SUGCT: variants seen among roughly 807,000 people sequenced by gnomAD.
SUGCT encodes succinyl-CoA:glutarate-CoA transferase, also known as succinyl-CoA:glutarate CoA-transferase.
In SUGCT, 41 loss-of-function variants were observed where a neutral mutation model predicts 55.0. That is an observed-to-expected ratio of 0.74 (90% CI 0.58 to 0.97). The LOEUF (loss-of-function observed/expected upper bound fraction) is 0.97, where lower values mean the gene tolerates loss of function less well. Ranked by LOEUF, SUGCT falls within the 50% of genes least tolerant of loss-of-function variation. The pLI is 0.00. For missense variants in SUGCT, 568 were observed against 547.8 expected (o/e 1.04, Z -0.37); for synonymous variants, 187 against 200.4 (o/e 0.93, Z 0.56).
intron 13 of SUGCT, among the ~76,000 whole-genome samples, chr7:40,859,153 T>G (rs1281648958): frequency 2.0e-5 from 3 of 152,222 alleles, no homozygotes; most frequent in Non-Finnish European, 4.4e-5. Flanking sequence ...TTTGTTCTCC[T>G]GAAGCCTAAT....
chr7:40,419,137 A>T lies in SUGCT; in HGVS notation c.817-30150A>T, dbSNP rs181864925. 8.7e-4 allele frequency among the ~76,000 whole-genome samples: 133 copies of T among 152,334 alleles called. 1 individual carries two copies. The highest frequency in any genetic ancestry group is 3.4e-3 in the Middle Eastern group (1 of 294). On this transcript the variant is annotated intron_variant, in intron 9 of 13. Coordinates refer to ENST00000335693, the MANE Select transcript of SUGCT (RefSeq NM_001193313.2). ...ATATGTGCTCATTTATGGGGCGGTG[A>T]ATTCCTGTTGCATGGAACAAAAGGC...
intron 8 of SUGCT, among the ~76,000 whole-genome samples, chr7:40,290,193 G>A (rs1227316183): frequency 4.6e-5 from 7 of 152,026 alleles, no homozygotes; most frequent in Non-Finnish European, 7.4e-5. Context: ...AGCCCGCATC[G>A]CCAAGTCAAT....
At chr7:40,492,308 A>G (rs1562814862) in intron 11 of SUGCT, among the ~76,000 whole-genome samples, 1 of 152,076 alleles carries the variant, frequency 6.6e-6, no homozygotes, top group Non-Finnish European at 1.5e-5. Context: ...TGTTTTTGTT[A>G]TTGATAATAA....
intron 13 of SUGCT, among the ~76,000 whole-genome samples, chr7:40,834,310 A>G (rs1436585351): frequency 6.6e-6 from 1 of 152,176 alleles, no homozygotes; most frequent in Non-Finnish European, 1.5e-5. Flanking sequence ...GGACCCCATT[A>G]TTAACACTTT....
intron 12 of SUGCT, among the ~76,000 whole-genome samples, chr7:40,615,681 G>A (rs68082095): frequency 0.14 from 20,745 of 152,238 alleles, 1,551 homozygotes; most frequent in Middle Eastern, 0.2. Flanking sequence ...TGTGGGATCC[G>A]TGGTATATTG....
chr7:40,794,057 G>A lies in SUGCT; in HGVS notation c.1153+44560G>A, dbSNP rs961561176. 4.0e-5 allele frequency among the ~76,000 whole-genome samples: 6 copies of A among 151,782 alleles called. No homozygotes were observed. In the South Asian group the frequency reaches 6.2e-4, roughly 16 times the overall value. On this transcript the variant is annotated intron_variant, in intron 13 of 13. Transcript: ENST00000335693. Reference sequence around the variant, plus strand: ...AACTTTGATTCTTCCTTTTTAAAACGTTTATATGTTGGATTTGATAATCTA... The same window carrying A: ...AACTTTGATTCTTCCTTTTTAAAACATTTATATGTTGGATTTGATAATCTA...
intron 12 of SUGCT, among the ~76,000 whole-genome samples, chr7:40,547,365 C>T (rs562010094): frequency 1.3e-5 from 2 of 152,304 alleles, no homozygotes; most frequent in South Asian, 2.1e-4. Flanking sequence ...TGTCTGGGCA[C>T]CCTGTGGCCC....
intron 6 of SUGCT, among the ~76,000 whole-genome samples, chr7:40,235,432 A>T (rs1788958986): frequency 6.6e-6 from 1 of 152,066 alleles, no homozygotes; most frequent in Non-Finnish European, 1.5e-5. Flanking sequence ...GGTTCAAGCG[A>T]TTCTCCTGTC....
chr7:40,903,991 A>T, the SUGCT span, among the ~76,000 whole-genome samples: 1 of 152,176 alleles, frequency 6.6e-6, no homozygotes, highest in African/African-American at 2.4e-5. Context: ...GCCGCTGCCC[A>T]AGCTTGGCGC....
intron 13 of SUGCT, among the ~76,000 whole-genome samples, chr7:40,854,419 C>CCTTTCCTTT (rs1794037316): frequency 1.1e-5 from 1 of 88,804 alleles, no homozygotes; most frequent in Non-Finnish European, 2.2e-5. Context: ...TTCTTTCTTT[C>CCTTTCCTTT]CTTTCTTTCT....
chr7:40,943,290 A>T, the SUGCT span, among the ~76,000 whole-genome samples: 4 of 149,614 alleles, frequency 2.7e-5, no homozygotes, highest in African/African-American at 9.8e-5. Context: ...ATTATTATTT[A>T]TTATTATACT....
intron 12 of SUGCT, among the ~76,000 whole-genome samples, chr7:40,629,936 C>G (rs1019425086): frequency 6.6e-6 from 1 of 152,134 alleles, no homozygotes; most frequent in East Asian, 1.9e-4. Context: ...AGGAGACATT[C>G]TAAATTTTTG....
chr7:40,164,983 G>T (rs1333381524), intron 1 of SUGCT, among the ~76,000 whole-genome samples: 1 of 152,084 alleles, frequency 6.6e-6, no homozygotes, highest in Non-Finnish European at 1.5e-5. Context: ...TATCAAACTA[G>T]GTTGTTAGGA....
At chr7:40,596,417 G>A (rs1443814847) in intron 12 of SUGCT, among the ~76,000 whole-genome samples, 7 of 152,098 alleles carry the variant, frequency 4.6e-5, no homozygotes, top group Non-Finnish European at 1.0e-4. Context: ...AATGTATAGA[G>A]GTCACTTTGG....
At chr7:40,609,010 T>C in intron 12 of SUGCT, among the ~76,000 whole-genome samples, 1 of 152,174 alleles carries the variant, frequency 6.6e-6, no homozygotes, top group East Asian at 1.9e-4. Context: ...CCTAGTATCC[T>C]GTATTCTGCT....
At position 40,754,900 on chromosome 7, in the gene SUGCT, T is replaced by C. The variant is rs951497590; in HGVS notation, c.1153+5403T>C. On this transcript the variant is annotated intron_variant, in intron 13 of 13. Coordinates refer to ENST00000335693, the MANE Select transcript of SUGCT (RefSeq NM_001193313.2). ...GTTTTTATGATAAAATTTGAACAAA[T>C]AGCTTTTTAATAGATGTAATGATCC... Among the ~76,000 whole-genome samples the C allele has an allele frequency of 5.9e-5, 9 of 152,330 alleles. No individual in the cohort carries two copies. The Middle Eastern group carries it at 0.014, about 230-fold the overall frequency.
intron 13 of SUGCT, among the ~76,000 whole-genome samples, chr7:40,806,992 C>T (rs1418853382): frequency 6.6e-6 from 1 of 152,086 alleles, no homozygotes; most frequent in East Asian, 1.9e-4. Context: ...TATTCACTAC[C>T]CACCTTCTAA....
chr7:40,383,922 C>A (rs1249107304), intron 9 of SUGCT, among the ~76,000 whole-genome samples: 1 of 152,046 alleles, frequency 6.6e-6, no homozygotes, highest in Non-Finnish European at 1.5e-5. Flanking sequence ...GCACAGATCT[C>A]CCCCCGCTGC....
intron 9 of SUGCT, among the ~76,000 whole-genome samples, chr7:40,344,816 A>T (rs1193764230): frequency 1.3e-5 from 2 of 152,178 alleles, no homozygotes; most frequent in African/African-American, 2.4e-5. Context: ...TATGTAACAC[A>T]TACTAGCATT....
Sources: allele counts gnomAD v4.1 joint callset (sites outside exome capture counted in the v4.1 genomes callset), GRCh38; gene constraint gnomAD v4.1.1; transcripts MANE v1.5; gene names NCBI Gene and HGNC (gene_info 2026-07-23, HGNC 2026-07-21).